Variants in PARVB observed in about 807,000 individuals in gnomAD.
PARVB encodes parvin beta, also known as beta-parvin.
PARVB carries 46 observed loss-of-function variants against 47.0 expected under a neutral mutation model. The ratio of observed to expected loss-of-function variants is 0.98; its 90% CI spans 0.77 to 1.25. PARVB has a LOEUF of 1.25. Ranked by LOEUF, PARVB falls within the 50% of genes most tolerant of loss-of-function variation. PARVB has a pLI of 0.00. For synonymous variants in PARVB, 196 were observed against 196.3 expected, an observed-to-expected ratio of 1.00 and a Z score of 0.01; for missense variants, 473 against 471.6, an observed-to-expected ratio of 1.00 and a Z score of -0.03.
At chr22:44,158,176 G>T in intron 11 of PARVB, 93 bp downstream of exon 11, 3 of 811,968 alleles carry the variant, frequency 3.7e-6, no homozygotes, top group African/African-American at 1.7e-5. Flanking sequence ...CCTGCAGCCT[G>T]GCTGCATTCT....
intron 1 of PARVB, among the ~76,000 whole-genome samples, chr22:44,075,571 C>A (rs747183341): frequency 6.6e-6 from 1 of 152,154 alleles, no homozygotes; most frequent in Admixed American, 6.5e-5. Context: ...GTGACACTGC[C>A]CTGAGATCCC....
intron 1 of PARVB, among the ~76,000 whole-genome samples, chr22:44,052,040 T>C (rs2051219526): frequency 6.6e-6 from 1 of 152,224 alleles, no homozygotes; most frequent in African/African-American, 2.4e-5. Context: ...GACACCTTGA[T>C]CTCAGACTTC....
intron 10 of PARVB, chr22:44,151,938 A>C: frequency 5.2e-6 from 1 of 191,858 alleles, no homozygotes; most frequent in Admixed American, 5.4e-5. Context: ...TACACACATC[A>C]CTCCCTTCTT....
At chr22:44,120,089 G>A (rs934483786) in intron 4 of PARVB, among the ~76,000 whole-genome samples, 4 of 152,220 alleles carry the variant, frequency 2.6e-5, no homozygotes, top group Non-Finnish European at 1.5e-5. Context: ...GTCTCCTGGT[G>A]AACAGCCGGG....
At chr22:44,080,545 C>A (rs1438673838) in intron 1 of PARVB, among the ~76,000 whole-genome samples, 1 of 152,178 alleles carries the variant, frequency 6.6e-6, no homozygotes, top group Non-Finnish European at 1.5e-5. Context: ...CACATTGGGC[C>A]CCCTGCATAA....
chr22:44,120,077 C>T lies in PARVB; in HGVS notation c.376+937C>T, dbSNP rs1310843180. The T allele has an allele frequency of 8.4e-6, 3 of 355,330 alleles. No individual in the cohort carries two copies. The East Asian group carries it at 2.2e-4, about 26-fold the overall frequency. 22.0% of individuals were successfully genotyped at this position (355,330 alleles called of 1,614,324 possible). A position where few individuals can be genotyped will look rare whatever the true frequency, so the allele number is the denominator to read the frequency against. Reference sequence around the variant, plus strand: ...CGACAGGTGGGGACGTTGGGGCCCACAGTCTCCTGGTGAACAGCCGGGCAG... The same window carrying T: ...CGACAGGTGGGGACGTTGGGGCCCATAGTCTCCTGGTGAACAGCCGGGCAG... On this transcript the variant is annotated intron_variant, in intron 4 of 12. Transcript: ENST00000338758.
At chr22:44,008,404 G>A (rs537537102) in intron 2 of PARVB, among the ~76,000 whole-genome samples, 1 of 151,964 alleles carries the variant, frequency 6.6e-6, no homozygotes, top group African/African-American at 2.4e-5. Flanking sequence ...GCCACCACGC[G>A]CGGTCTAGAG....
intron 2 of PARVB, among the ~76,000 whole-genome samples, chr22:44,019,151 A>G (rs1467854541): frequency 1.3e-5 from 2 of 152,112 alleles, no homozygotes; most frequent in African/African-American, 2.4e-5. Context: ...TTGTGACCTC[A>G]GGTGATCTGC....
rs115614689 is a variant in PARVB at position 44,033,713 on chromosome 22, C to A, written c.112+9262C>A. Among the ~76,000 whole-genome samples the A allele has an allele frequency of 3.8e-3, 572 of 152,272 alleles. 4 individuals are homozygous for A. The highest frequency in any genetic ancestry group is 0.013 in the African/African-American group (556 of 41,556). On this transcript the variant is annotated intron_variant, in intron 1 of 12. Transcript: ENST00000338758. ...TTGCTTGTTCTCTTACAAAGTCATG[C>A]ATTATTATACGTGTTTTCATTTGAA...
rs2051586525 is a variant in PARVB, at chr22:44,068,644, G to C, written c.113-25284G>C. On this transcript the variant is annotated intron_variant, in intron 1 of 12. Transcript: ENST00000338758. This position sits in a 1 kb window ranked among gnomAD's most constrained non-coding sequence, Gnocchi z 4.1. ...ACGTAGTCGGCACACGGGAGATGCA[G>C]CTGGGGTGGCACGTGCCCACAGTGG... Among the ~76,000 whole-genome samples the C allele has an allele frequency of 6.6e-6, 1 of 152,220 alleles. No homozygotes were observed. Among genetic ancestry groups the C allele is most frequent in the Admixed American group, 6.5e-5 (1 of 15,284 alleles).
chr22:44,117,169 G>T (rs1203732317), intron 3 of PARVB, among the ~76,000 whole-genome samples: 2 of 152,140 alleles, frequency 1.3e-5, no homozygotes, highest in Non-Finnish European at 2.9e-5. Context: ...GGCGGGCCCT[G>T]TGCTTAGGGG....
chr22:44,047,633 C>T (rs977100741), intron 1 of PARVB, among the ~76,000 whole-genome samples: 1 of 152,096 alleles, frequency 6.6e-6, no homozygotes, highest in African/African-American at 2.4e-5. Flanking sequence ...TGCACTCCAG[C>T]TTGGGCAACT....
chr22:44,116,399 CCTTT>C lies in PARVB; in HGVS notation c.274-2636_274-2633del, dbSNP rs1391255720. On this transcript the variant is annotated intron_variant, in intron 3 of 12. Transcript: ENST00000338758. ...TCTCCACTGGATCCAGCTTTATTTT[CCTTT>C]CTATCAACCATCACAACCTGAAACT... Among the ~76,000 whole-genome samples the C allele has an allele frequency of 2.0e-5, 3 of 152,368 alleles. No homozygotes were observed. The East Asian group carries it at 5.8e-4, about 29-fold the overall frequency.
intron 11 of PARVB, chr22:44,162,802 G>C (rs67296973): frequency 0.15 from 23,410 of 152,208 alleles, 2,474 homozygotes; most frequent in East Asian, 0.47. Context: ...AGCCCAGAAG[G>C]CTTTTATTTT....
intron 1 of PARVB, chr22:44,081,749 G>T: frequency 2.9e-6 from 1 of 349,510 alleles, no homozygotes; most frequent in Non-Finnish European, 4.0e-6. Flanking sequence ...GGCTGGGCTC[G>T]GAGGGGCGGT....
At chr22:44,108,843 G>A (rs962578222) in intron 3 of PARVB, 2 of 152,106 alleles carry the variant, frequency 1.3e-5, no homozygotes, top group African/African-American at 4.8e-5. Context: ...AGTTAATTTA[G>A]GCCATCTGGA....
At chr22:44,052,426 A>T (rs919225162) in intron 1 of PARVB, among the ~76,000 whole-genome samples, 1 of 152,104 alleles carries the variant, frequency 6.6e-6, no homozygotes, top group Non-Finnish European at 1.5e-5. Context: ...TCCTGATATC[A>T]CCCCAGTGCT....
At chr22:44,053,412 A>T (rs966635170) in intron 1 of PARVB, among the ~76,000 whole-genome samples, 1 of 152,198 alleles carries the variant, frequency 6.6e-6, no homozygotes, top group African/African-American at 2.4e-5. Flanking sequence ...GTTCTCAGTG[A>T]TGGGCATTTA....
rs534336981 is a variant in PARVB, at chr22:44,125,641, G to C, written c.377-5846G>C. On this transcript the variant is annotated intron_variant, in intron 4 of 12. Transcript: ENST00000338758. This position sits in a 1 kb window ranked among gnomAD's most constrained non-coding sequence, Gnocchi z 4.1. ...AAGAAGCGGAGGCGGGGCCCAGGTG[G>C]CAGAGAGGGAGGGAGAGAGCCAAGA... Among the ~76,000 whole-genome samples, 1 of 152,324 alleles carries C rather than the reference G, an allele frequency of 6.6e-6. No individual in the cohort carries two copies. The highest frequency in any genetic ancestry group is 1.9e-4 in the East Asian group (1 of 5,180).
Sources: allele counts gnomAD v4.1 joint callset (sites outside exome capture counted in the v4.1 genomes callset), GRCh38; gene constraint gnomAD v4.1.1; non-coding constraint Gnocchi (gnomAD v3.1); transcripts MANE v1.5; gene names NCBI Gene and HGNC (gene_info 2026-07-23, HGNC 2026-07-21).